Variants in MAOB observed in about 807,000 individuals in gnomAD.
MAOB encodes the protein monoamine oxidase B.
A neutral mutation model predicts 41.9 loss-of-function variants in MAOB; 15 were observed. The ratio of observed to expected loss-of-function variants is 0.36; its 90% CI spans 0.24 to 0.55. The LOEUF is 0.55. Ranked by LOEUF, MAOB falls within the 20% of genes least tolerant of loss-of-function variation. The pLI, the probability that MAOB is intolerant of heterozygous loss-of-function variation, is 0.86. For missense variants in MAOB, 345 were observed against 398.7 expected (o/e 0.87, Z 1.15); for synonymous variants, 167 against 144.2 (o/e 1.16, Z -1.13).
At chrX:43,867,260 G>A (rs2035371577) in intron 1 of MAOB, among the ~76,000 whole-genome samples, 1 of 112,061 alleles carries the variant, frequency 8.9e-6, no homozygotes, top group African/African-American at 3.2e-5. Flanking sequence ...AGAAGGAGCA[G>A]GCAAAGGAAG....
chrX:43,796,596 G>C (rs1317232662), intron 6 of MAOB, among the ~76,000 whole-genome samples: 1 of 110,812 alleles, frequency 9.0e-6, no homozygotes, highest in Non-Finnish European at 1.9e-5. Context: ...AGAAGAGAAA[G>C]AAAGAAGAGG....
intron 7 of MAOB, 133 bp from the exon 8 acceptor site, chrX:43,793,711 A>G: frequency 1.9e-6 from 1 of 515,912 alleles, no homozygotes; most frequent in South Asian, 3.8e-5. Context: ...TCGAAACCTA[A>G]AGTAGCCCTT....
At chrX:43,859,869 A>G (rs2035320708) in intron 1 of MAOB, among the ~76,000 whole-genome samples, 1 of 111,707 alleles carries the variant, frequency 9.0e-6, no homozygotes, top group Admixed American at 9.5e-5. Context: ...ATAATAATCT[A>G]TACACATTGC....
At chrX:43,870,455 G>C (rs757608315) in intron 1 of MAOB, among the ~76,000 whole-genome samples, 1 of 111,070 alleles carries the variant, frequency 9.0e-6, no homozygotes, top group Non-Finnish European at 1.9e-5. Context: ...GAACTGATGA[G>C]ACTAAGCACC....
At chrX:43,849,944 A>T (rs953752457) in intron 1 of MAOB, among the ~76,000 whole-genome samples, 13 of 112,421 alleles carry the variant, frequency 1.2e-4, no homozygotes, top group African/African-American at 3.6e-4. Flanking sequence ...TAAACTTTTG[A>T]CTTTTTCAAA....
intron 7 of MAOB, among the ~76,000 whole-genome samples, chrX:43,795,206 C>A (rs962074219): frequency 1.4e-4 from 16 of 111,762 alleles, no homozygotes; most frequent in Non-Finnish European, 1.9e-5. Context: ...GATGTTCCTA[C>A]AACCCCTTCA....
At chrX:43,858,883 C>A (rs745532342) in intron 1 of MAOB, among the ~76,000 whole-genome samples, 1 of 111,821 alleles carries the variant, frequency 8.9e-6, no homozygotes, top group African/African-American at 3.2e-5. Flanking sequence ...TTTGATAAAA[C>A]GATTTAACAA....
chrX:43,800,317 T>C (rs1327739761), intron 5 of MAOB, among the ~76,000 whole-genome samples: 1 of 111,307 alleles, frequency 9.0e-6, no homozygotes, highest in Non-Finnish European at 1.9e-5. Context: ...TAAAAGCTTT[T>C]CATAACAGGA....
chrX:43,844,065 GC>G, intron 1 of MAOB: 1 of 348,557 alleles, frequency 2.9e-6, no homozygotes, highest in Non-Finnish European at 4.0e-6. Context: ...AGAACACAAG[GC>G]CATGCTCAAG....
At chrX:43,861,146 C>T (rs1229214822) in intron 1 of MAOB, among the ~76,000 whole-genome samples, 1 of 112,382 alleles carries the variant, frequency 8.9e-6, no homozygotes, top group Non-Finnish European at 1.9e-5. Flanking sequence ...AGAGATCTTG[C>T]GTGTGTTATT....
At chrX:43,816,871 G>A (rs1390311821) in intron 3 of MAOB, among the ~76,000 whole-genome samples, 1 of 111,291 alleles carries the variant, frequency 9.0e-6, no homozygotes, top group Non-Finnish European at 1.9e-5. Context: ...GCTGGTGGTT[G>A]CTAGGCTACC....
intron 3 of MAOB, among the ~76,000 whole-genome samples, chrX:43,825,701 T>A (rs1488478821): frequency 4.4e-5 from 5 of 112,405 alleles, no homozygotes. Context: ...AATTATTAAA[T>A]CTTGACAGGG....
chrX:43,795,762 T>C lies in MAOB; in HGVS notation c.745A>G (p.Thr249Ala), dbSNP rs781470264. The change falls in exon 7 of 15, where the codon ACC (threonine) becomes GCC (alanine). Residue 249 changes from threonine (T) to alanine (A), a missense_variant. Thr to Ala is a moderately conservative substitution (Grantham distance 58). Transcript: ENST00000378069. Reference sequence around the variant, plus strand: ...ACCTCATACATCTCATGGTTTAGGGTCTCCACAAGGACATTTTCTCTTGTC... The same window carrying C: ...ACCTCATACATCTCATGGTTTAGGGCCTCCACAAGGACATTTTCTCTTGTC... Reference protein sequence around the residue: ...DQTRENVLVETLNHEMYEAKY... With the variant: ...DQTRENVLVEALNHEMYEAKY... The C allele has an allele frequency of 1.3e-5, 16 of 1,206,882 alleles. No homozygotes were observed. In the African/African-American group the frequency reaches 1.9e-4, roughly 15 times the overall value.
intron 1 of MAOB, among the ~76,000 whole-genome samples, chrX:43,878,841 G>T: frequency 1.8e-5 from 2 of 111,412 alleles, no homozygotes; most frequent in South Asian, 7.6e-4. Flanking sequence ...AAGATCACCT[G>T]CCAGGTGTTG....
chrX:43,790,504 C>T (rs969359851), intron 8 of MAOB, among the ~76,000 whole-genome samples: 2 of 111,845 alleles, frequency 1.8e-5, no homozygotes, highest in Admixed American at 9.5e-5. Context: ...ATACAATAGG[C>T]GCCCAGTTGA....
intron 4 of MAOB, among the ~76,000 whole-genome samples, chrX:43,802,568 A>T (rs931046016): frequency 3.7e-4 from 42 of 112,147 alleles, no homozygotes; most frequent in African/African-American, 1.2e-3. Flanking sequence ...TGGATTCCTA[A>T]GTTACTAACT....
At chrX:43,798,622 A>T (rs1005451055) in intron 5 of MAOB, among the ~76,000 whole-genome samples, 5 of 111,857 alleles carry the variant, frequency 4.5e-5, no homozygotes, top group African/African-American at 1.6e-4. Flanking sequence ...AGCACAGCAT[A>T]AAATTCATCA....
At chrX:43,776,667 A>T (rs937971808) in intron 11 of MAOB, among the ~76,000 whole-genome samples, 104 of 110,556 alleles carry the variant, frequency 9.4e-4, no homozygotes, top group African/African-American at 3.4e-3. Flanking sequence ...CGTGCAGGTT[A>T]GTTACATATG....
intron 1 of MAOB, among the ~76,000 whole-genome samples, chrX:43,865,665 G>C (rs986055045): frequency 9.0e-6 from 1 of 111,047 alleles, no homozygotes; most frequent in Non-Finnish European, 1.9e-5. Context: ...TGATTCAGAG[G>C]TTTTCATGAA....
Sources: gnomAD v4.1 joint callset for allele counts (sites outside exome capture counted in the v4.1 genomes callset) on GRCh38, gnomAD v4.1.1 for gene constraint, MANE v1.5 for transcripts, NCBI Gene and HGNC (gene_info 2026-07-23, HGNC 2026-07-21) for gene names.